The following PDZD2 variants were observed in gnomAD, a reference collection of about 807,000 sequenced individuals.
PDZD2 encodes the protein PDZ domain containing 2.
PDZD2 carries 90 observed loss-of-function variants against 220.7 expected under a neutral mutation model. The ratio of observed to expected loss-of-function variants is 0.41; its 90% CI spans 0.34 to 0.49. The LOEUF is 0.49. PDZD2 is among the 20% of genes least tolerant of loss of function. The pLI, the probability that PDZD2 is intolerant of heterozygous loss-of-function variation, is 0.28. For synonymous variants in PDZD2, 1,375 were observed against 1,450.5 expected (o/e 0.95, Z 1.18); for missense variants, 3,174 against 3,608.5 (o/e 0.88, Z 3.08).
intron 2 of PDZD2, among the ~76,000 whole-genome samples, chr5:31,904,812 T>C (rs376594040): frequency 1.4e-4 from 21 of 152,304 alleles, no homozygotes; most frequent in African/African-American, 4.6e-4. Context: ...TACAGAATTC[T>C]GGGCGCAATT....
At chr5:32,034,178 T>G (rs945901474) in intron 6 of PDZD2, among the ~76,000 whole-genome samples, 8 of 152,166 alleles carry the variant, frequency 5.3e-5, no homozygotes, top group African/African-American at 1.7e-4. Flanking sequence ...GGCATGGTTT[T>G]CCTTGCTCGG....
At chr5:32,032,165 A>T (rs1187188429) in intron 6 of PDZD2, among the ~76,000 whole-genome samples, 1 of 152,178 alleles carries the variant, frequency 6.6e-6, no homozygotes, top group Non-Finnish European at 1.5e-5. Context: ...AGCAGGAAGA[A>T]CTGGGAAGTC....
chr5:31,741,731 G>A (rs555807129), intron 1 of PDZD2: 23 of 152,314 alleles, frequency 1.5e-4, no homozygotes, highest in African/African-American at 4.8e-4. Context: ...CTGTCTTGGT[G>A]TTTGTTCTCC....
chr5:31,789,350 G>A (rs750847743), intron 1 of PDZD2, among the ~76,000 whole-genome samples: 3 of 152,220 alleles, frequency 2.0e-5, no homozygotes, highest in Non-Finnish European at 4.4e-5. Context: ...TCGAACATAG[G>A]TGGGTTTCTG....
At chr5:31,935,852 G>A (rs763450059) in intron 2 of PDZD2, among the ~76,000 whole-genome samples, 10 of 152,148 alleles carry the variant, frequency 6.6e-5, no homozygotes, top group Non-Finnish European at 1.0e-4. Flanking sequence ...GCTGTGGTCC[G>A]TGGCCAAGTG....
chr5:32,095,612 A>T (rs1481230857), intron 21 of PDZD2, among the ~76,000 whole-genome samples: 1 of 152,014 alleles, frequency 6.6e-6, no homozygotes, highest in African/African-American at 2.4e-5. Context: ...TTGGCGCAAT[A>T]GTCAGCTTCT....
intron 2 of PDZD2, among the ~76,000 whole-genome samples, chr5:31,978,040 A>T (rs185867539): frequency 6.6e-6 from 1 of 152,332 alleles, no homozygotes; most frequent in African/African-American, 2.4e-5. Context: ...GCATTTCTGG[A>T]TACTGTGGTC....
At chr5:32,060,268 T>C (rs775382027) in intron 13 of PDZD2, among the ~76,000 whole-genome samples, 8 of 152,208 alleles carry the variant, frequency 5.3e-5, no homozygotes, top group Non-Finnish European at 1.2e-4. Context: ...CATCCCAAGA[T>C]GATGTTTCTT....
At chr5:31,797,565 C>A (rs1417095042) in intron 1 of PDZD2, among the ~76,000 whole-genome samples, 2 of 151,970 alleles carry the variant, frequency 1.3e-5, no homozygotes, top group Non-Finnish European at 2.9e-5. Flanking sequence ...GAACTCCTGA[C>A]CTTGCGATCC....
chr5:31,972,766 T>C (rs967646878), intron 2 of PDZD2, among the ~76,000 whole-genome samples: 2 of 152,212 alleles, frequency 1.3e-5, no homozygotes, highest in Non-Finnish European at 2.9e-5. Context: ...GACTCAATCA[T>C]GTACAGCAAA....
At chr5:31,940,216 C>T (rs989639217) in intron 2 of PDZD2, among the ~76,000 whole-genome samples, 2 of 152,224 alleles carry the variant, frequency 1.3e-5, no homozygotes, top group Admixed American at 6.5e-5. Flanking sequence ...GCAACATTCT[C>T]CCTCCATGGA....
rs879288343 is a variant in PDZD2 at position 31,975,793 on chromosome 5, C to CTTTTTTTTTTTTTTTTTTTTTTTTTT, written c.477-7353_477-7352insTTTTTTTTTTTTTTTTTTTTTTTTTT. The stretch of plus-strand genomic sequence containing the variant: ...ATGAGCACACTGAAGGTATCAGTCA[C>CTTTTTTTTTTTTTTTTTTTTTTTTTT]TTTTTTTTTATTTATTTTTTTTTTT... On this transcript the variant is annotated intron_variant, in intron 2 of 24. Transcript: ENST00000438447. Among the ~76,000 whole-genome samples the CTTTTTTTTTTTTTTTTTTTTTTTTTT allele has an allele frequency of 1.8e-4, 10 of 55,182 alleles. 5 individuals are homozygous for CTTTTTTTTTTTTTTTTTTTTTTTTTT. Among genetic ancestry groups the CTTTTTTTTTTTTTTTTTTTTTTTTTT allele is most frequent in the Non-Finnish European group, 2.5e-4 (8 of 32,318 alleles). The allele number at this position is 55,182 out of a possible 152,430, so 36.2% of individuals were successfully genotyped here.
At chr5:31,771,962 G>T (rs540556789) in intron 1 of PDZD2, among the ~76,000 whole-genome samples, 9 of 152,104 alleles carry the variant, frequency 5.9e-5, no homozygotes, top group Admixed American at 1.3e-4. Flanking sequence ...TAAGATTTTT[G>T]ATATGGAATC....
intron 2 of PDZD2, among the ~76,000 whole-genome samples, chr5:31,806,672 G>T (rs564813166): frequency 6.6e-6 from 1 of 152,288 alleles, no homozygotes; most frequent in Non-Finnish European, 1.5e-5. Flanking sequence ...CTACTTACTT[G>T]TTTGGTGCAG....
intron 2 of PDZD2, among the ~76,000 whole-genome samples, chr5:31,855,465 A>G (rs191230293): frequency 2.3e-3 from 351 of 152,314 alleles, no homozygotes; most frequent in Admixed American, 3.9e-3. Flanking sequence ...ACGGGCAGGG[A>G]AGGGGTGCCC....
At position 31,693,473 on chromosome 5, in the gene PDZD2, C is replaced by T. The variant is rs984337908; in HGVS notation, c.-361+54036C>T. 3.3e-5 allele frequency among the ~76,000 whole-genome samples: 5 copies of T among 152,160 alleles called. No homozygotes were observed. The East Asian group carries it at 5.8e-4, about 18-fold the overall frequency. On this transcript the variant is annotated intron_variant, in intron 1 of 24. Coordinates refer to ENST00000438447, the MANE Select transcript of PDZD2 (RefSeq NM_178140.4). ...GCCAGGCTGGTCCGGAACTCCTGAC[C>T]TCGTGATCTGCCCACCTCGGCCTTC...
chr5:31,703,919 TCTCTCTCTCTCTC>T (rs1747704067), intron 1 of PDZD2, among the ~76,000 whole-genome samples: 1 of 151,338 alleles, frequency 6.6e-6, no homozygotes, highest in Non-Finnish European at 1.5e-5. Flanking sequence ...CTTTCCTTTT[TCTCTCTCTCTCTC>T]CTCTCTCTCT....
chr5:31,868,772 G>T (rs565677827), intron 2 of PDZD2, among the ~76,000 whole-genome samples: 10 of 152,176 alleles, frequency 6.6e-5, no homozygotes, highest in Admixed American at 1.3e-4. Context: ...TTAAAGGTGA[G>T]TTTTTTTGTT....
chr5:31,680,401 G>C (rs1057359587), intron 1 of PDZD2, among the ~76,000 whole-genome samples: 1 of 152,186 alleles, frequency 6.6e-6, no homozygotes, highest in African/African-American at 2.4e-5. Flanking sequence ...AAATTAGAAG[G>C]GTTCTGGGCT....
Sources: gnomAD v4.1 joint callset for allele counts (sites outside exome capture counted in the v4.1 genomes callset) on GRCh38, gnomAD v4.1.1 for gene constraint, MANE v1.5 for transcripts, NCBI Gene and HGNC (gene_info 2026-07-23, HGNC 2026-07-21) for gene names.